The following ANKS1B variants were observed in gnomAD, a reference collection of about 807,000 sequenced individuals.
ANKS1B encodes the protein ankyrin repeat and sterile alpha motif domain containing 1B, also known as ankyrin repeat and sterile alpha motif domain-containing protein 1B.
A neutral mutation model predicts 148.3 loss-of-function variants in ANKS1B; 36 were observed. The observed-to-expected ratio is 0.24, with a 90% confidence interval of 0.19 to 0.32. The LOEUF is 0.32. Ranked by LOEUF, ANKS1B falls within the 10% of genes least tolerant of loss-of-function variation. The pLI is 1.00. For missense variants in ANKS1B, 1,157 were observed against 1,542.6 expected (o/e 0.75, Z 4.19); for synonymous variants, 542 against 560.8 (o/e 0.97, Z 0.47).
chr12:98,745,910 C>T (rs750728416), intron 26 of ANKS1B, 61 bp from the exon 27 acceptor site: 11 of 1,557,294 alleles, frequency 7.1e-6, no homozygotes, highest in Non-Finnish European at 9.6e-6. Context: ...CGCATGCACG[C>T]GGACGCCGCT....
intron 9 of ANKS1B, among the ~76,000 whole-genome samples, chr12:99,643,265 A>G (rs922845373): frequency 6.6e-6 from 1 of 152,176 alleles, no homozygotes. Flanking sequence ...AAAACTCAAA[A>G]GTCCCAAATT....
At chr12:99,943,494 C>G (rs2094971787) in intron 1 of ANKS1B, among the ~76,000 whole-genome samples, 1 of 152,152 alleles carries the variant, frequency 6.6e-6, no homozygotes, top group Admixed American at 6.5e-5. Flanking sequence ...TTAACTGACT[C>G]TCAGTTCCAC....
At chr12:99,294,781 G>A (rs1452091708) in intron 12 of ANKS1B, among the ~76,000 whole-genome samples, 1 of 152,050 alleles carries the variant, frequency 6.6e-6, no homozygotes, top group Non-Finnish European at 1.5e-5. Flanking sequence ...GGTCTCCCAA[G>A]TAGCTGGGAC....
Position 98,745,143 on chromosome 12 carries a change from C to T in ANKS1B, c.*596G>A, listed in dbSNP as rs2097852572. ...ATCATTTGGTTGAAAGGTTTTCTTT[C>T]TCTGACATAGGTGATTACATATAAA... On this transcript the variant is annotated 3_prime_UTR_variant, in exon 27 of 27. Coordinates refer to ENST00000683438, the MANE Select transcript of ANKS1B (RefSeq NM_001352186.2). The T allele has an allele frequency of 1.0e-6, 1 of 985,766 alleles. No individual in the cohort carries two copies. The highest frequency in any genetic ancestry group is 1.2e-6 in the Non-Finnish European group (1 of 829,918). 61.1% of individuals were successfully genotyped at this position (985,766 alleles called of 1,614,324 possible).
intron 9 of ANKS1B, among the ~76,000 whole-genome samples, chr12:99,562,917 C>T (rs771042894): frequency 1.3e-5 from 2 of 152,208 alleles, no homozygotes; most frequent in Non-Finnish European, 2.9e-5. Context: ...TAACTTTCTG[C>T]AGCTTCTCCA....
intron 11 of ANKS1B, among the ~76,000 whole-genome samples, chr12:99,439,427 T>C (rs2095513380): frequency 6.6e-6 from 1 of 151,402 alleles, no homozygotes; most frequent in South Asian, 2.1e-4. Flanking sequence ...TCTTGTGGGG[T>C]TACAGAAGAA....
At chr12:98,903,859 G>A (rs780725355) in intron 17 of ANKS1B, among the ~76,000 whole-genome samples, 7 of 152,014 alleles carry the variant, frequency 4.6e-5, no homozygotes, top group Admixed American at 3.3e-4. Context: ...CCAGTGATAG[G>A]GAGCTCATTA....
intron 1 of ANKS1B, among the ~76,000 whole-genome samples, chr12:99,938,463 A>T (rs1264092024): frequency 6.6e-6 from 1 of 152,200 alleles, no homozygotes; most frequent in African/African-American, 2.4e-5. Flanking sequence ...CCCAAAAACT[A>T]TGAGACAACA....
At chr12:99,486,899 A>G (rs1014690501) in intron 10 of ANKS1B, among the ~76,000 whole-genome samples, 2 of 152,188 alleles carry the variant, frequency 1.3e-5, no homozygotes, top group African/African-American at 4.8e-5. Context: ...GGGATGCAGT[A>G]ACCCTGACAT....
At chr12:99,462,931 G>A (rs573931222) in intron 10 of ANKS1B, among the ~76,000 whole-genome samples, 1 of 152,092 alleles carries the variant, frequency 6.6e-6, no homozygotes, top group Non-Finnish European at 1.5e-5. Flanking sequence ...ATGAGTAAAG[G>A]TTCCTGAGGC....
intron 9 of ANKS1B, among the ~76,000 whole-genome samples, chr12:99,614,762 C>G (rs1026677925): frequency 6.6e-6 from 1 of 151,990 alleles, no homozygotes; most frequent in African/African-American, 2.4e-5. Flanking sequence ...ATGCTTTTCA[C>G]TCATTTCATC....
At chr12:99,836,691 C>T (rs2084911794) in intron 1 of ANKS1B, among the ~76,000 whole-genome samples, 1 of 152,094 alleles carries the variant, frequency 6.6e-6, no homozygotes, top group Non-Finnish European at 1.5e-5. Context: ...AAAACTAGAG[C>T]ATCTATTTTA....
intron 11 of ANKS1B, among the ~76,000 whole-genome samples, chr12:99,409,225 C>A (rs946792225): frequency 2.0e-5 from 3 of 152,044 alleles, no homozygotes; most frequent in Non-Finnish European, 4.4e-5. Context: ...GAAGTCATTA[C>A]GTTAAGTGAA....
chr12:98,794,165 G>A (rs978162090), intron 22 of ANKS1B, among the ~76,000 whole-genome samples: 2 of 152,112 alleles, frequency 1.3e-5, no homozygotes, highest in Non-Finnish European at 2.9e-5. Flanking sequence ...GCCAAGGCGG[G>A]TGGATTACTT....
chr12:99,968,489 C>T (rs187475755), intron 1 of ANKS1B, among the ~76,000 whole-genome samples: 3 of 152,282 alleles, frequency 2.0e-5, no homozygotes, highest in Non-Finnish European at 2.9e-5. Context: ...ACCCTGGAGG[C>T]GGCACTTGCA....
intron 15 of ANKS1B, among the ~76,000 whole-genome samples, chr12:99,128,907 T>C (rs918678295): frequency 2.0e-5 from 3 of 152,308 alleles, no homozygotes; most frequent in East Asian, 3.9e-4. Context: ...TCCTGGAGAA[T>C]AGAGCCACTC....
rs546264962 is a variant in ANKS1B, at chr12:99,497,244, A to G, written c.1438+7232T>C. On this transcript the variant is annotated intron_variant, in intron 10 of 26. Transcript: ENST00000683438. Reference sequence around the variant, plus strand: ...GCTACATAAATAGTTGTTATACAGTATTTTCTTTAGACAATGATGACAAGA... The same window carrying G: ...GCTACATAAATAGTTGTTATACAGTGTTTTCTTTAGACAATGATGACAAGA... Among the ~76,000 whole-genome samples, 4 of 152,292 alleles carry G rather than the reference A, an allele frequency of 2.6e-5. No homozygotes were observed. The South Asian group carries it at 8.3e-4, about 32-fold the overall frequency.
At chr12:98,841,760 A>T in intron 17 of ANKS1B, among the ~76,000 whole-genome samples, 1 of 152,260 alleles carries the variant, frequency 6.6e-6, no homozygotes. Context: ...GGAAAAAAAA[A>T]GGGGTAACAA....
intron 12 of ANKS1B, among the ~76,000 whole-genome samples, chr12:99,334,758 C>A (rs1294599359): frequency 6.6e-6 from 1 of 152,046 alleles, no homozygotes; most frequent in South Asian, 2.1e-4. Context: ...TTATGAGCAA[C>A]TTAAAAAAGC....
Sources: gnomAD v4.1 joint callset for allele counts (sites outside exome capture counted in the v4.1 genomes callset) on GRCh38, gnomAD v4.1.1 for gene constraint, MANE v1.5 for transcripts, NCBI Gene and HGNC (gene_info 2026-07-23, HGNC 2026-07-21) for gene names.